LPAR1: variants seen among roughly 807,000 people sequenced by gnomAD.
LPAR1 encodes lysophosphatidic acid receptor 1.
In LPAR1, 5 loss-of-function variants were observed where a neutral mutation model predicts 23.8. The ratio of observed to expected loss-of-function variants is 0.21; its 90% CI spans 0.11 to 0.44. The LOEUF (loss-of-function observed/expected upper bound fraction) is 0.44, where lower values mean the gene tolerates loss of function less well. Among genes scored for constraint, LPAR1 ranks in the 20% least tolerant of loss-of-function variants. The pLI is 0.99. For synonymous variants in LPAR1, 160 were observed against 164.7 expected (o/e 0.97, Z 0.22); for missense variants, 311 against 482.8 (o/e 0.64, Z 3.33).
intron 4 of LPAR1, among the ~76,000 whole-genome samples, chr9:110,955,099 G>T (rs2095694451): frequency 6.6e-6 from 1 of 152,126 alleles, no homozygotes. Context: ...TAACAACCAA[G>T]AATGTAAACA....
intron 2 of LPAR1, among the ~76,000 whole-genome samples, chr9:111,003,961 ACT>A (rs2097172071): frequency 6.6e-6 from 1 of 152,138 alleles, no homozygotes; most frequent in South Asian, 2.1e-4. Flanking sequence ...TAATATTCAT[ACT>A]CTTAGTAGTG....
At position 110,875,260 on chromosome 9, in the gene LPAR1, G is replaced by A; in HGVS notation, c.*161C>T. 1.7e-6 allele frequency: 1 copy of A among 581,496 alleles called. No homozygotes were observed. Among genetic ancestry groups the A allele is most frequent in the Non-Finnish European group, 3.0e-6 (1 of 333,192 alleles). The allele number at this position is 581,496 out of a possible 1,614,324, so 36.0% of individuals were successfully genotyped here. A position where few individuals can be genotyped will look rare whatever the true frequency, so the allele number is the denominator to read the frequency against. Reference sequence around the variant, plus strand: ...TAAGCTAATTTTCAATATATATCAAGTCTTGTGGGGTCCAGGAACAAATAC... The same window carrying A: ...TAAGCTAATTTTCAATATATATCAAATCTTGTGGGGTCCAGGAACAAATAC... On this transcript the variant is annotated 3_prime_UTR_variant, in exon 6 of 6. Transcript: ENST00000683809.
At chr9:110,994,931 A>G (rs1349354404) in intron 2 of LPAR1, among the ~76,000 whole-genome samples, 1 of 152,216 alleles carries the variant, frequency 6.6e-6, no homozygotes, top group Non-Finnish European at 1.5e-5. Context: ...TCTAGACCAC[A>G]GTCAACAGCG....
At chr9:110,958,423 C>T (rs1395233993) in intron 4 of LPAR1, among the ~76,000 whole-genome samples, 1 of 151,978 alleles carries the variant, frequency 6.6e-6, no homozygotes, top group Non-Finnish European at 1.5e-5. Flanking sequence ...GAAATAAATC[C>T]CTGTATTTAC....
At chr9:110,960,047 C>T (rs1450418292) in intron 4 of LPAR1, among the ~76,000 whole-genome samples, 2 of 152,092 alleles carry the variant, frequency 1.3e-5, no homozygotes, top group African/African-American at 4.8e-5. Flanking sequence ...TGGGTACAAA[C>T]ATACAGTTAG....
At chr9:110,950,024 T>G (rs1028372208) in intron 4 of LPAR1, among the ~76,000 whole-genome samples, 3 of 152,172 alleles carry the variant, frequency 2.0e-5, no homozygotes, top group Non-Finnish European at 4.4e-5. Context: ...CAATCTATAA[T>G]TAGAAGATAA....
chr9:110,975,713 A>G (rs1357987555), intron 2 of LPAR1, among the ~76,000 whole-genome samples: 3 of 152,224 alleles, frequency 2.0e-5, no homozygotes. Flanking sequence ...TCTCATCTAT[A>G]TAAAATTTTA....
rs145207915 is a variant in LPAR1 at position 110,892,838 on chromosome 9, C to A, written c.794-17116G>T. Among the ~76,000 whole-genome samples the A allele has an allele frequency of 7.2e-3, 781 of 108,472 alleles. 5 individuals carry two copies. The highest frequency in any genetic ancestry group is 0.014 in the Middle Eastern group (3 of 208). The allele number at this position is 108,472 out of a possible 152,430, so 71.2% of individuals were successfully genotyped here. The stretch of plus-strand genomic sequence containing the variant: ...GAAGGAAGGAAGGAAGGCAGGCAGG[C>A]AGGCAGGCAGGCAGGCAGGCAGGCA... On this transcript the variant is annotated intron_variant, in intron 5 of 5. Transcript: ENST00000683809.
In LPAR1 at chr9:111,033,536, CTTCTTT is replaced by C. The variant is rs758328255; in HGVS notation, c.-182+2580_-182+2585del. Among the ~76,000 whole-genome samples the C allele has an allele frequency of 3.8e-3, 577 of 152,170 alleles. 6 individuals carry two copies. Among genetic ancestry groups the C allele is most frequent in the African/African-American group, 0.013 (532 of 41,508 alleles). Reference sequence around the variant, plus strand: ...AGGTAATTGAAAGAAATTCAGCCACCTTCTTTTTCTTTTTCTTTTTCTTAAGTTTTT... The same window carrying C: ...AGGTAATTGAAAGAAATTCAGCCACCTTCTTTTTCTTTTTCTTAAGTTTTT... On this transcript the variant is annotated intron_variant, in intron 2 of 5. Transcript: ENST00000683809.
At chr9:110,919,968 C>T (rs2093504108) in intron 5 of LPAR1, among the ~76,000 whole-genome samples, 2 of 152,202 alleles carry the variant, frequency 1.3e-5, no homozygotes, top group South Asian at 4.1e-4. Context: ...CCTACTTGGG[C>T]ATGAAAATCA....
chr9:111,028,938 G>T (rs2097750859), intron 2 of LPAR1, among the ~76,000 whole-genome samples: 1 of 152,134 alleles, frequency 6.6e-6, no homozygotes, highest in Non-Finnish European at 1.5e-5. Context: ...CTGGAATGGG[G>T]TGTTTCAGGG....
chr9:110,970,385 G>A (rs1014103382), intron 4 of LPAR1, among the ~76,000 whole-genome samples: 13 of 152,108 alleles, frequency 8.5e-5, no homozygotes, highest in African/African-American at 2.9e-4. Flanking sequence ...CACCAAAAAA[G>A]TCTATTGAAG....
At position 110,873,692 on chromosome 9, in the gene LPAR1, C is replaced by T. The variant is rs79950608; in HGVS notation, c.*1729G>A. 0.032 allele frequency: 4,844 copies of T among 152,328 alleles called. 116 individuals are homozygous for T. Among genetic ancestry groups the T allele is most frequent in the Non-Finnish European group, 0.047 (3,177 of 68,036 alleles). 9.4% of individuals were successfully genotyped at this position (152,328 alleles called of 1,614,324 possible). A position where few individuals can be genotyped will look rare whatever the true frequency, so the allele number is the denominator to read the frequency against. ...ATCACCTAATAGGGTGGCAGCCTAT[C>T]GGGGTGATTCCTGGCGAATACACAG... On this transcript the variant is annotated 3_prime_UTR_variant, in exon 6 of 6. Transcript: ENST00000683809.
At chr9:111,004,558 T>C (rs1158401162) in intron 2 of LPAR1, among the ~76,000 whole-genome samples, 1 of 152,210 alleles carries the variant, frequency 6.6e-6, no homozygotes, top group African/African-American at 2.4e-5. Flanking sequence ...TGACCCTCTG[T>C]TGGCATTTTG....
At chr9:110,936,341 T>C (rs2094705974) in intron 5 of LPAR1, among the ~76,000 whole-genome samples, 1 of 152,314 alleles carries the variant, frequency 6.6e-6, no homozygotes, top group African/African-American at 2.4e-5. Flanking sequence ...AAGAAAACTA[T>C]GGTCTTAAAC....
chr9:110,967,779 A>G (rs1027161990), intron 4 of LPAR1, among the ~76,000 whole-genome samples: 2 of 152,238 alleles, frequency 1.3e-5, no homozygotes, highest in Non-Finnish European at 2.9e-5. Context: ...AGGGCAAGTC[A>G]GCCTTGGACT....
chr9:111,029,552 G>A (rs2097759713), intron 2 of LPAR1, among the ~76,000 whole-genome samples: 1 of 152,034 alleles, frequency 6.6e-6, no homozygotes, highest in Non-Finnish European at 1.5e-5. Flanking sequence ...AGACCATTGA[G>A]GCTGGCATCC....
chr9:111,017,239 C>T (rs2097467989), intron 2 of LPAR1, among the ~76,000 whole-genome samples: 1 of 152,124 alleles, frequency 6.6e-6, no homozygotes, highest in Admixed American at 6.5e-5. Context: ...TTCCTCTTAC[C>T]CCATTTCCTT....
rs141775122 is a variant in LPAR1 at position 110,875,655 on chromosome 9, G to A, written c.861C>T (p.Cys287=). ...LLLLDVCCPQ[C]DVLAYEKFFL... ...AGAATTTCTCATAGGCCAGCACGTCGCACTGTGGACAGCACACGTCTAGAA... is the reference window on the plus strand; with the variant it reads ...AGAATTTCTCATAGGCCAGCACGTCACACTGTGGACAGCACACGTCTAGAA... The change falls in exon 6 of 6, where the codon TGC becomes TGT. Residue 287 remains cysteine, a synonymous_variant. Coordinates refer to ENST00000683809, the MANE Select transcript of LPAR1 (RefSeq NM_001351411.2). 3.4e-5 allele frequency: 55 copies of A among 1,613,830 alleles called. No homozygotes were observed. The highest frequency in any genetic ancestry group is 4.5e-5 in the East Asian group (2 of 44,884).
Sources: allele counts gnomAD v4.1 joint callset (sites outside exome capture counted in the v4.1 genomes callset), GRCh38; gene constraint gnomAD v4.1.1; transcripts MANE v1.5; gene names NCBI Gene and HGNC (gene_info 2026-07-23, HGNC 2026-07-21).